The following ASCC1 variants were observed in gnomAD, a reference collection of about 807,000 sequenced individuals.
ASCC1 encodes activating signal cointegrator 1 complex subunit 1.
A neutral mutation model predicts 46.6 loss-of-function variants in ASCC1; 35 were observed. The observed-to-expected ratio is 0.75, with a 90% CI of 0.57 to 0.99. ASCC1 has a LOEUF of 0.99. Ranked by LOEUF, ASCC1 falls within the 50% of genes least tolerant of loss-of-function variation. ASCC1 has a pLI of 0.00. For synonymous variants in ASCC1, 143 were observed against 146.6 expected, an observed-to-expected ratio of 0.98 and a Z score of 0.18; for missense variants, 376 against 428.7, an observed-to-expected ratio of 0.88 and a Z score of 1.09.
chr10:72,129,497 T>C (rs980372900), intron 8 of ASCC1, among the ~76,000 whole-genome samples: 5 of 152,002 alleles, frequency 3.3e-5, no homozygotes, highest in African/African-American at 9.7e-5. Flanking sequence ...TAGTGAGACC[T>C]TGTCACTATA....
rs1481908870 is a variant in ASCC1 at position 72,162,097 on chromosome 10, G to C, written c.490-423C>G. On this transcript the variant is annotated intron_variant, in intron 5 of 9. Coordinates refer to ENST00000672957, the MANE Select transcript of ASCC1 (RefSeq NM_001198800.3). Reference sequence around the variant, plus strand: ...TATTTGCAAGTAATTTACCTGATAAGGGTCTAGTATCCGGAATATATAAAG... The same window carrying C: ...TATTTGCAAGTAATTTACCTGATAACGGTCTAGTATCCGGAATATATAAAG... Among the ~76,000 whole-genome samples, 6 of 152,240 alleles carry C rather than the reference G, an allele frequency of 3.9e-5. No homozygotes were observed. The East Asian group carries it at 1.2e-3, about 29-fold the overall frequency.
At chr10:72,175,529 A>G (rs1273831889) in intron 5 of ASCC1, among the ~76,000 whole-genome samples, 1 of 152,250 alleles carries the variant, frequency 6.6e-6, no homozygotes, top group Non-Finnish European at 1.5e-5. Flanking sequence ...TTTAGAAAAA[A>G]GGGTTTTGTT....
chr10:72,167,206 A>T (rs897880670), intron 5 of ASCC1, among the ~76,000 whole-genome samples: 1 of 152,242 alleles, frequency 6.6e-6, no homozygotes, highest in Admixed American at 6.5e-5. Context: ...AACAATCCAC[A>T]AGTCCACCAA....
intron 6 of ASCC1, among the ~76,000 whole-genome samples, chr10:72,153,338 C>T (rs1012307244): frequency 6.6e-6 from 1 of 152,220 alleles, no homozygotes; most frequent in Non-Finnish European, 1.5e-5. Flanking sequence ...CCCATCTCTA[C>T]TATTTCTACA....
At chr10:72,192,369 C>T (rs546138083) in intron 5 of ASCC1, among the ~76,000 whole-genome samples, 91 of 150,920 alleles carry the variant, frequency 6.0e-4, no homozygotes, top group African/African-American at 2.0e-3. Flanking sequence ...CCAGAAGAAT[C>T]GCTTGAAGCC....
intron 9 of ASCC1, among the ~76,000 whole-genome samples, chr10:72,116,148 A>C (rs948784035): frequency 5.9e-5 from 9 of 152,208 alleles, no homozygotes; most frequent in African/African-American, 2.2e-4. Context: ...TTTCTTCATA[A>C]AATTTTTTAT....
intron 9 of ASCC1, among the ~76,000 whole-genome samples, chr10:72,104,593 C>T (rs1004490847): frequency 1.3e-5 from 2 of 152,074 alleles, no homozygotes; most frequent in African/African-American, 4.8e-5. Context: ...GTTAAGGTGT[C>T]TGAATCATGT....
At chr10:72,120,906 T>TG (rs1844123460) in intron 9 of ASCC1, among the ~76,000 whole-genome samples, 1 of 151,948 alleles carries the variant, frequency 6.6e-6, no homozygotes, top group Non-Finnish European at 1.5e-5. Flanking sequence ...TTATATATAA[T>TG]GCTCAAATAA....
chr10:72,208,892 T>C (rs1054055122), intron 3 of ASCC1, among the ~76,000 whole-genome samples: 2 of 151,994 alleles, frequency 1.3e-5, no homozygotes, highest in Non-Finnish European at 2.9e-5. Flanking sequence ...ATTCAAAAGA[T>C]ATTTAACACA....
intron 9 of ASCC1, among the ~76,000 whole-genome samples, chr10:72,123,968 A>T (rs59878382): frequency 0.042 from 6,385 of 152,326 alleles, 476 homozygotes; most frequent in African/African-American, 0.14. Flanking sequence ...CAGTATTTTT[A>T]AAAGCTTCCT....
intron 7 of ASCC1, among the ~76,000 whole-genome samples, chr10:72,147,736 A>G (rs911808849): frequency 5.9e-5 from 9 of 152,212 alleles, no homozygotes; most frequent in African/African-American, 2.2e-4. Flanking sequence ...TGGGCATAAA[A>G]ACAGTATTTA....
intron 5 of ASCC1, among the ~76,000 whole-genome samples, chr10:72,169,772 C>G (rs986463183): frequency 1.3e-5 from 2 of 152,010 alleles, no homozygotes; most frequent in African/African-American, 4.8e-5. Context: ...AAAATAAACC[C>G]AACTGTATTT....
chr10:72,150,313 T>A (rs1848179122), intron 7 of ASCC1, among the ~76,000 whole-genome samples: 1 of 152,084 alleles, frequency 6.6e-6, no homozygotes, highest in African/African-American at 2.4e-5. Flanking sequence ...ACCATTGAGA[T>A]TATCAATTCA....
At chr10:72,148,679 C>A (rs190149700) in intron 7 of ASCC1, among the ~76,000 whole-genome samples, 2 of 152,196 alleles carry the variant, frequency 1.3e-5, no homozygotes, top group East Asian at 3.9e-4. Flanking sequence ...TAAAATGTGT[C>A]AACATTTGAG....
In ASCC1 at chr10:72,096,938, T is replaced by C. The variant is rs573259207; in HGVS notation, c.*396A>G. ...GGGAATTACTGTTTAATGGGTACAG[T>C]TTCCATTTTACAAGCTGAGAAGCCT... On this transcript the variant is annotated 3_prime_UTR_variant, in exon 10 of 10. Transcript: ENST00000672957. 1 of 454,290 alleles carries C rather than the reference T, an allele frequency of 2.2e-6. No homozygotes were observed. Among genetic ancestry groups the C allele is most frequent in the Non-Finnish European group, 4.4e-6 (1 of 226,968 alleles). 28.1% of individuals were successfully genotyped at this position (454,290 alleles called of 1,614,324 possible). A position where few individuals can be genotyped will look rare whatever the true frequency, so the allele number is the denominator to read the frequency against.
intron 9 of ASCC1, chr10:72,102,462 G>T: frequency 7.1e-7 from 1 of 1,404,800 alleles, no homozygotes; most frequent in Non-Finnish European, 9.8e-7. Flanking sequence ...CTTTATGAGC[G>T]TCCCTCCTTT....
At chr10:72,131,349 G>A (rs999569875) in intron 8 of ASCC1, among the ~76,000 whole-genome samples, 1 of 152,020 alleles carries the variant, frequency 6.6e-6, no homozygotes, top group Admixed American at 6.6e-5. Flanking sequence ...AACCTGGGGG[G>A]CGGAGGTTGC....
intron 5 of ASCC1, among the ~76,000 whole-genome samples, chr10:72,188,354 A>G (rs1485824822): frequency 1.3e-5 from 2 of 151,800 alleles, no homozygotes; most frequent in African/African-American, 4.8e-5. Context: ...CCTGACCTCA[A>G]GTGATCCACC....
At chr10:72,156,791 A>C (rs545079595) in intron 6 of ASCC1, among the ~76,000 whole-genome samples, 11 of 152,048 alleles carry the variant, frequency 7.2e-5, no homozygotes, top group African/African-American at 2.7e-4. Flanking sequence ...AAAAAGAAAA[A>C]AAAAAGGATT....
Sources: allele counts gnomAD v4.1 joint callset (sites outside exome capture counted in the v4.1 genomes callset), GRCh38; gene constraint gnomAD v4.1.1; transcripts MANE v1.5; gene names NCBI Gene and HGNC (gene_info 2026-07-23, HGNC 2026-07-21).